Variants in DNM3 observed in about 807,000 individuals in gnomAD.
DNM3 encodes the protein dynamin-3.
DNM3 carries 47 observed loss-of-function variants against 101.6 expected under a neutral mutation model. The ratio of observed to expected loss-of-function variants is 0.46; its 90% CI spans 0.37 to 0.59. The LOEUF (loss-of-function observed/expected upper bound fraction) is 0.59. Among genes scored for constraint, DNM3 ranks in the 20% least tolerant of loss-of-function variants. DNM3 has a pLI of 0.00. For synonymous variants in DNM3, 385 were observed against 387.9 expected (o/e 0.99, Z 0.09); for missense variants, 849 against 1,085.7 (o/e 0.78, Z 3.06).
chr1:172,076,310 T>C (rs550345928), intron 11 of DNM3, among the ~76,000 whole-genome samples: 114 of 152,286 alleles, frequency 7.5e-4, no homozygotes, highest in African/African-American at 2.7e-3. Context: ...CCTTTATTTC[T>C]TTCTCTTGCC....
At chr1:172,375,155 G>A (rs1467627737) in intron 17 of DNM3, among the ~76,000 whole-genome samples, 1 of 152,024 alleles carries the variant, frequency 6.6e-6, no homozygotes, top group East Asian at 1.9e-4. Flanking sequence ...CATTATTTGA[G>A]TATGTAAACA....
rs116757012 is a variant in DNM3, at chr1:172,088,083, G to A, written c.1494-4741G>A. Among the ~76,000 whole-genome samples the A allele has an allele frequency of 7.0e-3, 1,071 of 152,232 alleles. 16 individuals carry two copies. The highest frequency in any genetic ancestry group is 0.024 in the African/African-American group (1,013 of 41,534). On this transcript the variant is annotated intron_variant, in intron 12 of 20. Transcript: ENST00000627582. ...CTGGCATCAAAACAGAATTCCATAC[G>A]TATTTCTTAAGATACTACCATAAAC...
chr1:172,024,643 C>A (rs1419463362), intron 4 of DNM3, among the ~76,000 whole-genome samples: 1 of 152,202 alleles, frequency 6.6e-6, no homozygotes, highest in Non-Finnish European at 1.5e-5. Flanking sequence ...GGGTGCAGCC[C>A]ATGGAGGGCA....
chr1:172,142,948 A>G (rs2057666933), intron 14 of DNM3, among the ~76,000 whole-genome samples: 1 of 152,010 alleles, frequency 6.6e-6, no homozygotes, highest in South Asian at 2.1e-4. Flanking sequence ...ATTAATATGG[A>G]ACTCTCCAAG....
intron 4 of DNM3, among the ~76,000 whole-genome samples, chr1:172,016,111 C>G (rs1183530114): frequency 6.7e-6 from 1 of 149,428 alleles, no homozygotes; most frequent in Non-Finnish European, 1.5e-5. Context: ...CACTTGAACT[C>G]AGGATGCAGA....
rs569912981 is a variant in DNM3 at position 172,044,943 on chromosome 1, G to A, written c.1196+491G>A. Among the ~76,000 whole-genome samples the A allele has an allele frequency of 3.9e-5, 6 of 152,248 alleles. No homozygotes were observed. The South Asian group carries it at 8.3e-4, about 21-fold the overall frequency. On this transcript the variant is annotated intron_variant, in intron 9 of 20. Transcript: ENST00000627582. ...CATGTGTGCTTGCACATGTGGGAGCGTGCATATGAAGTGGGCAGCAGTGTG... is the reference window on the plus strand; with the variant it reads ...CATGTGTGCTTGCACATGTGGGAGCATGCATATGAAGTGGGCAGCAGTGTG...
At chr1:172,094,733 A>G (rs1490579484) in intron 13 of DNM3, among the ~76,000 whole-genome samples, 2 of 152,242 alleles carry the variant, frequency 1.3e-5, no homozygotes, top group African/African-American at 4.8e-5. Context: ...AAAAAGTTTA[A>G]GTACAAGAAG....
At chr1:172,323,449 A>G in intron 17 of DNM3, 109 bp downstream of exon 17, 1 of 1,353,734 alleles carries the variant, frequency 7.4e-7, no homozygotes, top group Non-Finnish European at 1.0e-6. Context: ...GTCATCTGTT[A>G]CAGTGCACGA....
chr1:172,308,540 T>G (rs866955182), intron 15 of DNM3, among the ~76,000 whole-genome samples, 188 bp from the exon 16 acceptor site: 1 of 152,000 alleles, frequency 6.6e-6, no homozygotes, highest in African/African-American at 2.4e-5. Flanking sequence ...TTTTAAAAAA[T>G]TATATTGTAA....
intron 14 of DNM3, among the ~76,000 whole-genome samples, chr1:172,239,133 G>T (rs756212503): frequency 2.6e-4 from 39 of 152,160 alleles, no homozygotes; most frequent in Non-Finnish European, 4.4e-4. Flanking sequence ...TTGCATGTCT[G>T]CCTTTAATAA....
At chr1:172,280,393 T>G (rs2063446017) in intron 15 of DNM3, among the ~76,000 whole-genome samples, 2 of 152,198 alleles carry the variant, frequency 1.3e-5, no homozygotes, top group Admixed American at 1.3e-4. Context: ...TTTAAAAAAT[T>G]TATTCACTGC....
chr1:172,170,592 C>G (rs1350165351), intron 14 of DNM3, among the ~76,000 whole-genome samples: 1 of 151,828 alleles, frequency 6.6e-6, no homozygotes, highest in Non-Finnish European at 1.5e-5. Context: ...TTGCTGTTGT[C>G]AGTATTACAA....
intron 17 of DNM3, among the ~76,000 whole-genome samples, chr1:172,341,840 G>A (rs1558019110): frequency 6.6e-6 from 1 of 152,036 alleles, no homozygotes; most frequent in Non-Finnish European, 1.5e-5. Context: ...TCCTGACGAA[G>A]ACGCCAAAAG....
intron 14 of DNM3, among the ~76,000 whole-genome samples, chr1:172,209,134 G>T (rs2060424269): frequency 6.6e-6 from 1 of 151,916 alleles, no homozygotes; most frequent in African/African-American, 2.4e-5. Flanking sequence ...AATCACAGGG[G>T]ACCCTAATCC....
chr1:172,329,682 A>G (rs1314060226), intron 17 of DNM3, among the ~76,000 whole-genome samples: 6 of 152,150 alleles, frequency 3.9e-5, no homozygotes, highest in African/African-American at 1.4e-4. Context: ...AACAAGTAAA[A>G]TACCTGAAGC....
chr1:171,959,877 C>A (rs2043103757), intron 2 of DNM3, among the ~76,000 whole-genome samples: 1 of 152,034 alleles, frequency 6.6e-6, no homozygotes, highest in Admixed American at 6.6e-5. Context: ...GGGACAGAAG[C>A]CAACTGAAGT....
At position 172,092,837 on chromosome 1, in the gene DNM3, A is replaced by T. The variant is rs372686246; in HGVS notation, c.1507A>T (p.Ser503Cys). The change falls in exon 13 of 21, where the codon AGC becomes TGC. Residue 503 changes from serine (S) to cysteine (C), a missense_variant. Physicochemically the swap from Ser to Cys is moderately radical, Grantham distance 112. This residue lies in a region of DNM3 where 193 missense variants were observed against 238.4 expected (regional missense o/e 0.81). Coordinates refer to ENST00000627582, the MANE Select transcript of DNM3 (RefSeq NM_015569.5). Reference sequence around the variant, plus strand: ...TGCTTTTCTCAGTGCTCAGCAGAGGAGCAGTCAGGTTCACAAGAAAACCAC... The same window carrying T: ...TGCTTTTCTCAGTGCTCAGCAGAGGTGCAGTCAGGTTCACAAGAAAACCAC... The part of the protein sequence containing the change: ...FIGFANAQQR[S>C]SQVHKKTTVG... 2.0e-5 allele frequency: 31 copies of T among 1,558,852 alleles called. No homozygotes were observed. In the African/African-American group the frequency reaches 4.1e-4, roughly 21 times the overall value.
At position 172,412,480 on chromosome 1, in the gene DNM3, G is replaced by A; in HGVS notation, c.*4639G>A. 1 of 985,754 alleles carries A rather than the reference G, an allele frequency of 1.0e-6. No individual in the cohort carries two copies. The highest frequency in any genetic ancestry group is 4.7e-5 in the South Asian group (1 of 21,280). The allele number at this position is 985,754 out of a possible 1,614,324, so 61.1% of individuals were successfully genotyped here. On this transcript the variant is annotated 3_prime_UTR_variant, in exon 21 of 21. Transcript: ENST00000627582. ...TTTTCTTTTGCTTTGTTTGAAGAAG[G>A]AATATACAGAAGTAAAATCTTGTCT... is the stretch of plus-strand genomic sequence containing the variant.
chr1:172,335,643 A>G (rs1167371035), intron 17 of DNM3, among the ~76,000 whole-genome samples: 1 of 152,194 alleles, frequency 6.6e-6, no homozygotes, highest in Non-Finnish European at 1.5e-5. Flanking sequence ...CTTTGCAGCA[A>G]CATGGATGCA....
Sources: allele counts gnomAD v4.1 joint callset (sites outside exome capture counted in the v4.1 genomes callset), GRCh38; gene constraint gnomAD v4.1.1; regional missense constraint gnomAD v4.1.1; transcripts MANE v1.5; gene names NCBI Gene and HGNC (gene_info 2026-07-23, HGNC 2026-07-21).